Variants in RABGEF1 observed in about 807,000 individuals in gnomAD.
RABGEF1 encodes the protein RAB guanine nucleotide exchange factor 1.
A neutral mutation model predicts 57.3 loss-of-function variants in RABGEF1; 26 were observed. The observed-to-expected ratio is 0.45, with a 90% CI of 0.33 to 0.63. The LOEUF (loss-of-function observed/expected upper bound fraction) is 0.63. RABGEF1 is among the 20% of genes least tolerant of loss of function. The probability of loss-of-function intolerance (pLI) is 0.02; values close to 1 mark genes in which losing one functional copy is unlikely to be tolerated. For missense variants in RABGEF1, 464 were observed against 607.6 expected (o/e 0.76, Z 2.48); for synonymous variants, 185 against 210.7 (o/e 0.88, Z 1.06).
At chr7:66,661,041 G>T in the RABGEF1 span, among the ~76,000 whole-genome samples, 4 of 152,132 alleles carry the variant, frequency 2.6e-5, no homozygotes, top group African/African-American at 9.7e-5. Flanking sequence ...TGGGCGTGGT[G>T]GCCCATGCCT....
rs762006539 is a variant in RABGEF1 at position 66,799,374 on chromosome 7, C to T, written c.780C>T (p.Asp260=). 11 of 1,612,730 alleles carry T rather than the reference C, an allele frequency of 6.8e-6. No homozygotes were observed. The South Asian group carries it at 7.7e-5, about 11-fold the overall frequency. Residue 260 remains aspartate, a synonymous_variant, in exon 7 of 9, where the codon GAC becomes GAT. Coordinates refer to ENST00000284957, the MANE Select transcript of RABGEF1 (RefSeq NM_014504.3). The part of the protein sequence containing the change: ...PQMLCVPVNE[D]IPEVSDMVVK... ...TGCTGTGTGTCCCTGTTAATGAAGACATCCCAGAAGTGTCTGATATGGTGG... is the reference window on the plus strand; with the variant it reads ...TGCTGTGTGTCCCTGTTAATGAAGATATCCCAGAAGTGTCTGATATGGTGG...
the RABGEF1 span, among the ~76,000 whole-genome samples, chr7:66,676,885 GTGAATAGTGTCCCT>G: frequency 6.6e-6 from 1 of 152,202 alleles, no homozygotes; most frequent in Admixed American, 6.5e-5. Flanking sequence ...CACCTGGTCC[GTGAATAGTGTCCCT>G]TGATGCACAA....
chr7:66,724,865 G>A (rs145372196), intron 2 of RABGEF1, among the ~76,000 whole-genome samples: 161 of 152,090 alleles, frequency 1.1e-3, no homozygotes, highest in African/African-American at 3.6e-3. Flanking sequence ...TTTTTCCCTT[G>A]GTGCTTTAGT....
chr7:66,742,200 T>A (rs1191591072), intron 1 of RABGEF1, among the ~76,000 whole-genome samples: 1 of 152,146 alleles, frequency 6.6e-6, no homozygotes, highest in East Asian at 1.9e-4. Flanking sequence ...CCAAGAAACT[T>A]GCCAGAGATG....
chr7:66,654,827 C>T, the RABGEF1 span, among the ~76,000 whole-genome samples: 3 of 152,234 alleles, frequency 2.0e-5, no homozygotes, highest in East Asian at 5.8e-4. Context: ...TCCAGGCCGC[C>T]CTCGGCTCCC....
At chr7:66,727,373 C>T (rs1281659835) in intron 2 of RABGEF1, among the ~76,000 whole-genome samples, 5 of 152,208 alleles carry the variant, frequency 3.3e-5, no homozygotes, top group Non-Finnish European at 5.9e-5. Context: ...ATACCTTCCA[C>T]GGCCTCCCTG....
intron 1 of RABGEF1, among the ~76,000 whole-genome samples, chr7:66,747,569 T>TATTTATA (rs1465613614): frequency 6.6e-6 from 1 of 152,246 alleles, no homozygotes; most frequent in Non-Finnish European, 1.5e-5. Flanking sequence ...CATAGGGGTA[T>TATTTATA]ATTTATAATT....
upstream of RABGEF1, among the ~76,000 whole-genome samples, chr7:66,738,064 A>G (rs1347631660): frequency 6.9e-6 from 1 of 145,492 alleles, no homozygotes; most frequent in Admixed American, 7.0e-5. Flanking sequence ...TCTGTCAACC[A>G]GGCTGGAGTG....
chr7:66,662,943 C>T, the RABGEF1 span, among the ~76,000 whole-genome samples: 1 of 148,844 alleles, frequency 6.7e-6, no homozygotes, highest in African/African-American at 2.5e-5. Flanking sequence ...TGCAGGTGTG[C>T]GTGTGCAGGC....
the RABGEF1 span, among the ~76,000 whole-genome samples, chr7:66,661,151 T>C: frequency 0.04 from 6,002 of 151,784 alleles, 167 homozygotes; most frequent in East Asian, 0.088. Context: ...ACAAAAAAAT[T>C]AGCCAGGCGC....
intron 1 of RABGEF1, among the ~76,000 whole-genome samples, chr7:66,686,387 G>A (rs1237762322): frequency 2.6e-5 from 4 of 152,066 alleles, no homozygotes; most frequent in East Asian, 1.9e-4. Context: ...TGGGAGGATC[G>A]CTTGAGTCCG....
chr7:66,799,080 C>G (rs186316023), intron 6 of RABGEF1, among the ~76,000 whole-genome samples: 1 of 152,182 alleles, frequency 6.6e-6, no homozygotes, highest in Non-Finnish European at 1.5e-5. Flanking sequence ...GGTAGCACTG[C>G]GTAATGTCAT....
At chr7:66,724,111 T>C (rs1362460832) in intron 2 of RABGEF1, among the ~76,000 whole-genome samples, 1 of 152,136 alleles carries the variant, frequency 6.6e-6, no homozygotes, top group African/African-American at 2.4e-5. Flanking sequence ...TGAGAGAGGC[T>C]ATTTTAATTG....
chr7:66,668,053 C>G, the RABGEF1 span, among the ~76,000 whole-genome samples: 1 of 152,128 alleles, frequency 6.6e-6, no homozygotes, highest in East Asian at 1.9e-4. Flanking sequence ...CGGCCTTGGC[C>G]TCCCAAATTG....
At chr7:66,689,089 T>C (rs1169338395) in intron 1 of RABGEF1, among the ~76,000 whole-genome samples, 1 of 151,778 alleles carries the variant, frequency 6.6e-6, no homozygotes, top group Non-Finnish European at 1.5e-5. Flanking sequence ...TGAGACTCCA[T>C]CTCAAAAAAT....
In RABGEF1 at chr7:66,786,947, T is replaced by C. The variant is rs1203662355; in HGVS notation, c.513+3106T>C. 2.0e-5 allele frequency among the ~76,000 whole-genome samples: 3 copies of C among 152,224 alleles called. No homozygotes were observed. In the East Asian group the frequency reaches 5.8e-4, roughly 29 times the overall value. On this transcript the variant is annotated intron_variant, in intron 4 of 8. Transcript: ENST00000284957. The stretch of plus-strand genomic sequence containing the variant: ...GCTACTTTTCTGTTCTTACAAATCA[T>C]CATAGCAAGAATTTAAATTGCTGAG...
intron 1 of RABGEF1, among the ~76,000 whole-genome samples, chr7:66,697,109 G>A (rs1792467872): frequency 6.6e-6 from 1 of 152,190 alleles, no homozygotes; most frequent in Non-Finnish European, 1.5e-5. Context: ...CACAGTCATG[G>A]TGGTGAGGGT....
chr7:66,697,146 G>A, intron 1 of RABGEF1, among the ~76,000 whole-genome samples: 1 of 152,080 alleles, frequency 6.6e-6, no homozygotes, highest in East Asian at 1.9e-4. Context: ...AGGAGTGAGA[G>A]GGGCTGGGAA....
intron 4 of RABGEF1, among the ~76,000 whole-genome samples, chr7:66,793,868 C>G (rs1216302750): frequency 1.3e-5 from 2 of 152,144 alleles, no homozygotes; most frequent in African/African-American, 4.8e-5. Context: ...ATGTATCGGC[C>G]CTTGGCGTGT....
Sources: allele counts gnomAD v4.1 joint callset (sites outside exome capture counted in the v4.1 genomes callset), GRCh38; gene constraint gnomAD v4.1.1; transcripts MANE v1.5; gene names NCBI Gene and HGNC (gene_info 2026-07-23, HGNC 2026-07-21).